LAMA2: variants seen among roughly 807,000 people sequenced by gnomAD.
The protein encoded by LAMA2 is laminin subunit alpha 2.
Under a neutral mutation model 364.8 loss-of-function variants are expected in LAMA2, and 269 were observed. The ratio of observed to expected loss-of-function variants is 0.74; its 90% CI spans 0.67 to 0.82. The LOEUF is 0.82. Ranked by LOEUF, LAMA2 falls within the 40% of genes least tolerant of loss-of-function variation. The pLI is 0.00. For synonymous variants in LAMA2, 1,379 were observed against 1,370.6 expected, an observed-to-expected ratio of 1.01 and a Z score of -0.14; for missense variants, 3,807 against 3,873.2, an observed-to-expected ratio of 0.98 and a Z score of 0.45.
chr6:129,516,369 G>A lies in LAMA2; in HGVS notation c.*22G>A. The A allele has an allele frequency of 6.2e-7, 1 of 1,611,562 alleles. No homozygotes were observed. Among genetic ancestry groups the A allele is most frequent in the Non-Finnish European group, 8.5e-7 (1 of 1,178,074 alleles). On this transcript the variant is annotated 3_prime_UTR_variant, in exon 65 of 65. Coordinates refer to ENST00000421865, the MANE Select transcript of LAMA2 (RefSeq NM_000426.4). ...CTAATAAAAATAAGTGTAACCCCAGGAAGAGTCTGTCAAAACAAGTATATC... is the reference window on the plus strand; with the variant it reads ...CTAATAAAAATAAGTGTAACCCCAGAAAGAGTCTGTCAAAACAAGTATATC...
chr6:129,100,746 A>G (rs1480364479), intron 4 of LAMA2, among the ~76,000 whole-genome samples: 2 of 152,208 alleles, frequency 1.3e-5, no homozygotes, highest in African/African-American at 4.8e-5. Flanking sequence ...CATGGCATAG[A>G]AAAAGACACA....
chr6:129,337,353 T>C (rs569931277), intron 29 of LAMA2, among the ~76,000 whole-genome samples: 1 of 152,298 alleles, frequency 6.6e-6, no homozygotes, highest in African/African-American at 2.4e-5. Flanking sequence ...CTGAGTAAGA[T>C]TGCTAAATGT....
intron 29 of LAMA2, among the ~76,000 whole-genome samples, chr6:129,338,240 A>G (rs1041165135): frequency 1.3e-5 from 2 of 152,206 alleles, no homozygotes; most frequent in Non-Finnish European, 2.9e-5. Context: ...TCATTATGCA[A>G]TTATTTTACT....
At chr6:129,435,562 CAT>C (rs1347827869) in intron 41 of LAMA2, among the ~76,000 whole-genome samples, 1 of 152,062 alleles carries the variant, frequency 6.6e-6, no homozygotes, top group Non-Finnish European at 1.5e-5. Flanking sequence ...CTGAACTAGA[CAT>C]ATTGATGTTT....
At chr6:129,199,861 C>T (rs1782075145) in intron 12 of LAMA2, among the ~76,000 whole-genome samples, 1 of 151,878 alleles carries the variant, frequency 6.6e-6, no homozygotes, top group East Asian at 1.9e-4. Context: ...GGTGGATCAC[C>T]TGAGGTCAGA....
intron 12 of LAMA2, among the ~76,000 whole-genome samples, chr6:129,248,562 T>C (rs1019050056): frequency 6.6e-6 from 1 of 152,128 alleles, no homozygotes; most frequent in African/African-American, 2.4e-5. Flanking sequence ...TCAAGAAAAA[T>C]AGCATGTAAT....
intron 3 of LAMA2, among the ~76,000 whole-genome samples, chr6:129,083,073 T>C (rs1355895103): frequency 2.8e-5 from 1 of 36,140 alleles, no homozygotes; most frequent in Non-Finnish European, 6.0e-5. Flanking sequence ...AGTTCTCCTC[T>C]GCTCACACAC....
At chr6:129,173,721 A>G (rs922426259) in intron 9 of LAMA2, among the ~76,000 whole-genome samples, 1 of 152,164 alleles carries the variant, frequency 6.6e-6, no homozygotes, top group Non-Finnish European at 1.5e-5. Flanking sequence ...TGCTCTGATA[A>G]CTTATTTAGG....
At chr6:129,177,628 G>C in intron 9 of LAMA2, 78 bp from the exon 10 acceptor site, 2 of 1,417,408 alleles carry the variant, frequency 1.4e-6, no homozygotes, top group Non-Finnish European at 2.0e-6. Flanking sequence ...CATTTTAAAG[G>C]TTACTGTCAT....
At chr6:129,123,029 T>G (rs906985405) in intron 4 of LAMA2, among the ~76,000 whole-genome samples, 2 of 152,038 alleles carry the variant, frequency 1.3e-5, no homozygotes, top group Non-Finnish European at 2.9e-5. Context: ...AGGCCGGGTG[T>G]GGTGGCTCAA....
chr6:129,355,007 A>G (rs1296036089), intron 32 of LAMA2, among the ~76,000 whole-genome samples: 6 of 152,228 alleles, frequency 3.9e-5, no homozygotes, highest in Admixed American at 2.0e-4. Flanking sequence ...TTGCCCCACA[A>G]GGAAATGTAT....
In LAMA2 at chr6:129,192,870, T is replaced by G; in HGVS notation, c.1782+17T>G. The G allele has an allele frequency of 6.2e-7, 1 of 1,611,550 alleles. No homozygotes were observed. On this transcript the variant is annotated intron_variant, in intron 12 of 64. Transcript: ENST00000421865. The stretch of plus-strand genomic sequence containing the variant: ...GGAAACAAAGTAAGTCCACGCTTGC[T>G]TCCCGCTATTCTGCTTTAACTGACT...
At chr6:128,990,160 T>C (rs1783518496) in intron 1 of LAMA2, among the ~76,000 whole-genome samples, 1 of 152,206 alleles carries the variant, frequency 6.6e-6, no homozygotes, top group South Asian at 2.1e-4. Context: ...CAGAGGAGTG[T>C]TTATTAGATT....
At chr6:129,276,710 A>G (rs1373061341) in intron 17 of LAMA2, among the ~76,000 whole-genome samples, 1 of 152,120 alleles carries the variant, frequency 6.6e-6, no homozygotes, top group Non-Finnish European at 1.5e-5. Flanking sequence ...CCAAATGTTG[A>G]TCCACCCTTA....
intron 1 of LAMA2, among the ~76,000 whole-genome samples, chr6:129,037,561 G>A (rs1289280461): frequency 6.6e-6 from 1 of 152,050 alleles, no homozygotes; most frequent in Non-Finnish European, 1.5e-5. Context: ...GTGTGTATGT[G>A]TGTGTATAAG....
intron 24 of LAMA2, 45 bp from the exon 25 acceptor site, chr6:129,315,431 C>T (rs1429420447): frequency 1.3e-6 from 2 of 1,565,720 alleles, no homozygotes; most frequent in African/African-American, 1.4e-5. Flanking sequence ...AAAGAAATGT[C>T]CAAAGCGTAA....
At chr6:129,109,677 C>T (rs1052667722) in intron 4 of LAMA2, among the ~76,000 whole-genome samples, 1 of 151,964 alleles carries the variant, frequency 6.6e-6, no homozygotes, top group Non-Finnish European at 1.5e-5. Flanking sequence ...ATTACTTTGA[C>T]AGAGATATAG....
chr6:129,470,657 A>G (rs1783766557), intron 51 of LAMA2, among the ~76,000 whole-genome samples: 1 of 151,904 alleles, frequency 6.6e-6, no homozygotes, highest in African/African-American at 2.4e-5. Context: ...GAATTCAGAT[A>G]AAGTTTAAAA....
At chr6:129,032,515 A>C (rs1786309280) in intron 1 of LAMA2, among the ~76,000 whole-genome samples, 1 of 152,330 alleles carries the variant, frequency 6.6e-6, no homozygotes. Flanking sequence ...ATCGGACTAA[A>C]GGCAGTATTC....
Sources: gnomAD v4.1 joint callset for allele counts (sites outside exome capture counted in the v4.1 genomes callset) on GRCh38, gnomAD v4.1.1 for gene constraint, MANE v1.5 for transcripts, NCBI Gene and HGNC (gene_info 2026-07-23, HGNC 2026-07-21) for gene names.